DPP10: variants seen among roughly 807,000 people sequenced by gnomAD.
The protein encoded by DPP10 is dipeptidyl peptidase like 10, also known as inactive dipeptidyl peptidase 10.
DPP10 carries 33 observed loss-of-function variants against 120.9 expected under a neutral mutation model. The ratio of observed to expected loss-of-function variants is 0.27; its 90% CI spans 0.21 to 0.37. DPP10 has a LOEUF of 0.37. Ranked by LOEUF, DPP10 falls within the 10% of genes least tolerant of loss-of-function variation. The probability of loss-of-function intolerance (pLI) is 1.00; values close to 1 mark genes in which losing one functional copy is unlikely to be tolerated. For missense variants in DPP10, 816 were observed against 942.8 expected, an observed-to-expected ratio of 0.87 and a Z score of 1.76; for synonymous variants, 337 against 326.1, an observed-to-expected ratio of 1.03 and a Z score of -0.36.
chr2:114,887,890 C>T (rs533605858), intron 1 of DPP10, among the ~76,000 whole-genome samples: 5 of 152,154 alleles, frequency 3.3e-5, no homozygotes, highest in Admixed American at 2.0e-4. Context: ...CTGTTATTCC[C>T]GCACTTTGGG....
intron 1 of DPP10, among the ~76,000 whole-genome samples, chr2:115,079,887 T>A (rs1708124992): frequency 6.6e-6 from 1 of 152,216 alleles, no homozygotes; most frequent in Admixed American, 6.5e-5. Flanking sequence ...TCATTGTTGT[T>A]GAATATTTCC....
intron 1 of DPP10, among the ~76,000 whole-genome samples, chr2:114,684,582 C>G (rs763141016): frequency 3.3e-5 from 5 of 151,930 alleles, no homozygotes; most frequent in Non-Finnish European, 5.9e-5. Flanking sequence ...TGCACTAGGA[C>G]ACATCAAACA....
At chr2:114,962,175 G>GA (rs1279278272) in intron 1 of DPP10, among the ~76,000 whole-genome samples, 1 of 151,860 alleles carries the variant, frequency 6.6e-6, no homozygotes, top group Non-Finnish European at 1.5e-5. Context: ...CTTTATCACT[G>GA]AAAAAAATAG....
At chr2:115,752,580 G>T (rs887324753) in intron 10 of DPP10, among the ~76,000 whole-genome samples, 1 of 152,106 alleles carries the variant, frequency 6.6e-6, no homozygotes, top group African/African-American at 2.4e-5. Context: ...AATTGGGACT[G>T]GTCCTTGGTC....
intron 1 of DPP10, among the ~76,000 whole-genome samples, chr2:114,682,759 T>G (rs1377462105): frequency 7.0e-6 from 1 of 143,538 alleles, no homozygotes; most frequent in African/African-American, 2.7e-5. Flanking sequence ...TATCTATCTA[T>G]CTATCTGTCT....
intron 1 of DPP10, among the ~76,000 whole-genome samples, chr2:115,170,197 C>T (rs2053212256): frequency 6.6e-6 from 1 of 152,166 alleles, no homozygotes; most frequent in South Asian, 2.1e-4. Flanking sequence ...TTACATTAAT[C>T]ACATCTCACC....
intron 1 of DPP10, among the ~76,000 whole-genome samples, chr2:114,467,919 T>G (rs1679553272): frequency 6.6e-6 from 1 of 152,104 alleles, no homozygotes; most frequent in African/African-American, 2.4e-5. Context: ...CTTGAGACGC[T>G]GAGGTGGGAG....
At chr2:115,644,306 T>C (rs1558970439) in intron 5 of DPP10, among the ~76,000 whole-genome samples, 1 of 151,954 alleles carries the variant, frequency 6.6e-6, no homozygotes, top group Non-Finnish European at 1.5e-5. Context: ...ATGCTATCCC[T>C]CCCCCCTCCG....
intron 1 of DPP10, among the ~76,000 whole-genome samples, chr2:114,664,031 A>G (rs1188143535): frequency 6.6e-6 from 1 of 152,052 alleles, no homozygotes; most frequent in East Asian, 1.9e-4. Context: ...ATTGTATAAA[A>G]TGCTACAGTT....
At chr2:115,211,606 G>A (rs751028505) in intron 1 of DPP10, among the ~76,000 whole-genome samples, 70 of 151,092 alleles carry the variant, frequency 4.6e-4, no homozygotes, top group South Asian at 1.9e-3. Context: ...TTAAAATATC[G>A]GCTCTGGGAG....
At chr2:115,279,374 A>G (rs1176934238) in intron 1 of DPP10, among the ~76,000 whole-genome samples, 3 of 152,140 alleles carry the variant, frequency 2.0e-5, no homozygotes, top group South Asian at 2.1e-4. Flanking sequence ...GGAGGAGGAA[A>G]TGAAGAGAGT....
intron 7 of DPP10, among the ~76,000 whole-genome samples, chr2:115,693,147 A>G (rs1429677742): frequency 6.6e-6 from 1 of 152,226 alleles, no homozygotes; most frequent in East Asian, 1.9e-4. Context: ...GTAGATATTT[A>G]GATAAATTAA....
chr2:115,803,383 C>A (rs1685506687), intron 19 of DPP10, among the ~76,000 whole-genome samples: 1 of 152,088 alleles, frequency 6.6e-6, no homozygotes, highest in Non-Finnish European at 1.5e-5. Context: ...GACTCTTTAT[C>A]CAATTTGACA....
intron 1 of DPP10, among the ~76,000 whole-genome samples, chr2:114,867,463 C>T (rs2106551815): frequency 6.6e-6 from 1 of 152,220 alleles, no homozygotes; most frequent in East Asian, 1.9e-4. Flanking sequence ...GCTTCTTCTG[C>T]CCTCTAGGTA....
intron 3 of DPP10, among the ~76,000 whole-genome samples, chr2:115,384,728 G>A (rs2066782274): frequency 6.6e-6 from 1 of 151,650 alleles, no homozygotes; most frequent in Admixed American, 6.6e-5. Flanking sequence ...AGAAGAAGAA[G>A]AAGAAGAGAA....
At chr2:114,873,541 G>A (rs187341652) in intron 1 of DPP10, among the ~76,000 whole-genome samples, 34 of 152,222 alleles carry the variant, frequency 2.2e-4, no homozygotes, top group Admixed American at 6.5e-4. Flanking sequence ...TGGTCATATC[G>A]TGTCGGTGCG....
intron 1 of DPP10, among the ~76,000 whole-genome samples, chr2:114,553,643 A>G (rs1052202523): frequency 1.3e-5 from 2 of 152,148 alleles, no homozygotes; most frequent in Middle Eastern, 3.2e-3. Context: ...TAAGTGATTG[A>G]CCAGCCTTTT....
intron 1 of DPP10, among the ~76,000 whole-genome samples, chr2:114,579,687 A>C (rs1284781510): frequency 6.6e-6 from 1 of 152,206 alleles, no homozygotes; most frequent in Admixed American, 6.5e-5. Flanking sequence ...GGAGTTTATA[A>C]ATCTCGTCGG....
At chr2:114,698,804 G>C (rs757014031) in intron 1 of DPP10, among the ~76,000 whole-genome samples, 7 of 152,092 alleles carry the variant, frequency 4.6e-5, no homozygotes, top group Non-Finnish European at 1.0e-4. Flanking sequence ...TTTGGAAAGG[G>C]GGGCTTGGTG....
Sources: allele counts gnomAD v4.1 joint callset (sites outside exome capture counted in the v4.1 genomes callset), GRCh38; gene constraint gnomAD v4.1.1; transcripts MANE v1.5; gene names NCBI Gene and HGNC (gene_info 2026-07-23, HGNC 2026-07-21).